The following MYO7A variants were observed in gnomAD, a reference collection of about 807,000 sequenced individuals.
The protein encoded by MYO7A is unconventional myosin-VIIa.
MYO7A carries 210 observed loss-of-function variants against 263.8 expected under a neutral mutation model. That is an observed-to-expected ratio of 0.80 (90% CI 0.71 to 0.89). MYO7A has a LOEUF of 0.89. MYO7A is among the 40% of genes least tolerant of loss of function. The pLI, the probability that MYO7A is intolerant of heterozygous loss-of-function variation, is 0.00. For synonymous variants in MYO7A, 1,239 were observed against 1,197.3 expected (o/e 1.03, Z -0.72); for missense variants, 2,820 against 2,968.3 (o/e 0.95, Z 1.16).
intron 25 of MYO7A, 60 bp downstream of exon 25, chr11:77,182,660 C>A: frequency 6.4e-7 from 1 of 1,570,958 alleles, no homozygotes; most frequent in Non-Finnish European, 8.7e-7. Flanking sequence ...GGGCCGCTGG[C>A]ATCACCAGCC....
rs1397323106 is a variant in MYO7A, at chr11:77,205,617, G to A, written c.5636G>A (p.Arg1879Lys). 6.2e-7 allele frequency: 1 copy of A among 1,613,326 alleles called. No homozygotes were observed. The highest frequency in any genetic ancestry group is 2.2e-5 in the East Asian group (1 of 44,876). Residue 1879 changes from arginine (R) to lysine (K), a missense_variant and splice_region_variant, in exon 40 of 49, where the codon AGA (arginine) becomes AAA (lysine). Transcript: ENST00000409709. ...DCLQRLQKAL[R>K]NGSRKYPPHL... is the part of the protein sequence containing the mutation. Reference sequence around the variant, plus strand: ...CTGCAACGGCTCCAGAAAGCCCTGAGGTACAGCGGCCACCAGGGGCAGGGA... The same window carrying A: ...CTGCAACGGCTCCAGAAAGCCCTGAAGTACAGCGGCCACCAGGGGCAGGGA...
intron 39 of MYO7A, 148 bp from the exon 40 acceptor site, chr11:77,205,314 G>C: frequency 1.1e-6 from 1 of 944,094 alleles, no homozygotes; most frequent in South Asian, 1.8e-5. Context: ...GGTAGGGTGA[G>C]GGGTCCTGAG....
Position 77,147,890 on chromosome 11 carries a change from C to A in MYO7A, c.225C>A (p.Asp75Glu), listed in dbSNP as rs782757893. 62 of 1,593,686 alleles carry A rather than the reference C, an allele frequency of 3.9e-5. No homozygotes were observed. The highest frequency in any genetic ancestry group is 5.0e-5 in the Non-Finnish European group (58 of 1,171,222). ...TGGAGGACATGATCCGCCTGGGGGA[C>A]CTCAACGAGGCGGGCATCTTGCGCA... is the stretch of plus-strand genomic sequence containing the variant. ...HGVEDMIRLG[D>E]LNEAGILRNL... is the part of the protein sequence containing the mutation. Residue 75 changes from aspartate to glutamate, a missense_variant, in exon 4 of 49, where the codon GAC becomes GAA. By Grantham distance (45) the Asp-to-Glu change is conservative. Coordinates refer to ENST00000409709, the MANE Select transcript of MYO7A (RefSeq NM_000260.4).
At position 77,202,053 on chromosome 11, in the gene MYO7A, T is replaced by C. The variant is rs11237118; in HGVS notation, c.5044-247T>C. On this transcript the variant is annotated intron_variant, in intron 36 of 48. Coordinates refer to ENST00000409709, the MANE Select transcript of MYO7A (RefSeq NM_000260.4). ...GCTCTCATACCATGTCCCGCTGCCT[T>C]GTCCAGGCTTTCTGACTGACCCAAC... Among the ~76,000 whole-genome samples the C allele has an allele frequency of 0.59, 89,307 of 151,874 alleles. 26,776 individuals are homozygous for C. Among genetic ancestry groups the C allele is most frequent in the African/African-American group, 0.69 (28,505 of 41,438 alleles).
intron 39 of MYO7A, 128 bp downstream of exon 39, chr11:77,204,357 T>C: frequency 7.6e-7 from 1 of 1,308,470 alleles, no homozygotes; most frequent in Non-Finnish European, 1.0e-6. Flanking sequence ...CGGGAGCTGC[T>C]CATGGGCCCC....
intron 35 of MYO7A, 39 bp downstream of exon 35, chr11:77,199,857 T>C: frequency 6.5e-7 from 1 of 1,535,286 alleles, no homozygotes; most frequent in Non-Finnish European, 8.8e-7. Flanking sequence ...GCACTGGGGG[T>C]CAGGGTGTTA....
chr11:77,212,251 G>A (rs1957940474), intron 46 of MYO7A: 1 of 503,234 alleles, frequency 2.0e-6, no homozygotes, highest in Non-Finnish European at 3.9e-6. Context: ...GGCTCTGCCG[G>A]GTGTGAGAAG....
At chr11:77,199,885 C>A in intron 35 of MYO7A, 67 bp downstream of exon 35, 2 of 1,405,750 alleles carry the variant, frequency 1.4e-6, no homozygotes, top group South Asian at 1.5e-5. Flanking sequence ...TGTCTTAGTC[C>A]ATTTGTGTTG....
At chr11:77,173,008 A>C in intron 16 of MYO7A, 123 bp downstream of exon 16, 2 of 1,351,520 alleles carry the variant, frequency 1.5e-6, no homozygotes, top group Non-Finnish European at 2.0e-6. Context: ...AATGGGGGGC[A>C]CCCCGGGAGC....
chr11:77,172,596 G>C (rs2276281), intron 15 of MYO7A, among the ~76,000 whole-genome samples, 152 bp from the exon 16 acceptor site: 133 of 152,246 alleles, frequency 8.7e-4, no homozygotes, highest in African/African-American at 3.0e-3. Context: ...TCAGAAGGTG[G>C]GGAGAGGCAG....
At chr11:77,213,393 T>C (rs1957990998) in intron 47 of MYO7A, among the ~76,000 whole-genome samples, 1 of 152,144 alleles carries the variant, frequency 6.6e-6, no homozygotes, top group Non-Finnish European at 1.5e-5. Context: ...ACCCAGAGGG[T>C]CCGACTGGAC....
At chr11:77,175,341 C>T in intron 17 of MYO7A, 31 bp from the exon 18 acceptor site, 1 of 1,603,310 alleles carries the variant, frequency 6.2e-7, no homozygotes, top group African/African-American at 1.3e-5. Context: ...AGAGGCTGTC[C>T]ATTCCCTTGT....
chr11:77,182,637 A>G (rs1955340583), intron 25 of MYO7A, 37 bp downstream of exon 25: 2 of 1,608,012 alleles, frequency 1.2e-6, no homozygotes, highest in Non-Finnish European at 1.7e-6. Context: ...TGTCCCTCCC[A>G]GGCCGACAAG....
intron 34 of MYO7A, among the ~76,000 whole-genome samples, chr11:77,199,181 G>A (rs923529329): frequency 6.6e-6 from 1 of 152,172 alleles, no homozygotes; most frequent in African/African-American, 2.4e-5. Flanking sequence ...GCACTGACCA[G>A]ACACATGCCA....
In MYO7A at chr11:77,203,044, C is replaced by T. The variant is rs1342089974; in HGVS notation, c.5169-16C>T. On this transcript the variant is annotated splice_polypyrimidine_tract_variant and intron_variant, in intron 37 of 48. Coordinates refer to ENST00000409709, the MANE Select transcript of MYO7A (RefSeq NM_000260.4). ...CCAGCGATGGGGCGTTGCTGACGGT[C>T]CCTGTGCTGCGGCAGGCCCCCACCC... is the stretch of plus-strand genomic sequence containing the variant. 2.6e-6 allele frequency: 4 copies of T among 1,547,128 alleles called. No homozygotes were observed. The South Asian group carries it at 3.6e-5, about 14-fold the overall frequency.
chr11:77,162,040 G>A, intron 12 of MYO7A, 80 bp from the exon 13 acceptor site: 1 of 1,300,470 alleles, frequency 7.7e-7, no homozygotes, highest in South Asian at 1.4e-5. Context: ...TGGCCATGCT[G>A]CAGGTGGAGG....
rs539667404 is a variant in MYO7A, at chr11:77,191,622, C to T, written c.3925-429C>T. Among the ~76,000 whole-genome samples, 3 of 152,214 alleles carry T rather than the reference C, an allele frequency of 2.0e-5. No homozygotes were observed. In the South Asian group the frequency reaches 6.2e-4, roughly 32 times the overall value. On this transcript the variant is annotated intron_variant, in intron 30 of 48. Coordinates refer to ENST00000409709, the MANE Select transcript of MYO7A (RefSeq NM_000260.4). ...CGCAGACTCACCTCGGAGGCTGGAG[C>T]CTCCTCGGCTGAGCGGGACCTGGGG...
chr11:77,131,497 G>A (rs1395782038), intron 2 of MYO7A, among the ~76,000 whole-genome samples: 3 of 152,242 alleles, frequency 2.0e-5, no homozygotes, highest in Admixed American at 1.3e-4. Flanking sequence ...AGGGGCTGGA[G>A]GAGACCCCCT....
rs762258869 is a variant in MYO7A at position 77,211,192 on chromosome 11, G to A, written c.6092G>A (p.Arg2031Gln). ...CTCCGAGGCTACCACAAGTGCACGC[G>A]GGAGGAGGTGCTGCAGCTGGGGGCG... ...KYLRGYHKCT[R>Q]EEVLQLGALI... Residue 2031 changes from arginine (R) to glutamine (Q), a missense_variant, in exon 45 of 49, where the codon CGG (arginine) becomes CAG (glutamine). Physicochemically the swap from Arg to Gln is conservative, Grantham distance 43. Transcript: ENST00000409709. The A allele has an allele frequency of 1.6e-5, 25 of 1,592,984 alleles. No homozygotes were observed. The highest frequency in any genetic ancestry group is 6.8e-5 in the East Asian group (3 of 43,870).
Sources: gnomAD v4.1 joint callset for allele counts (sites outside exome capture counted in the v4.1 genomes callset) on GRCh38, gnomAD v4.1.1 for gene constraint, MANE v1.5 for transcripts, NCBI Gene and HGNC (gene_info 2026-07-23, HGNC 2026-07-21) for gene names.